The following LETM1 variants were observed in gnomAD, a reference collection of about 807,000 sequenced individuals.
LETM1 encodes the protein leucine zipper and EF-hand containing transmembrane protein 1, also known as mitochondrial proton/calcium exchanger protein.
A neutral mutation model predicts 74.5 loss-of-function variants in LETM1; 50 were observed. The observed-to-expected ratio is 0.67, with a 90% CI of 0.53 to 0.85. The LOEUF is 0.85. Ranked by LOEUF, LETM1 falls within the 40% of genes least tolerant of loss-of-function variation. The probability of loss-of-function intolerance (pLI) is 0.00; values close to 1 mark genes in which losing one functional copy is unlikely to be tolerated. For missense variants in LETM1, 824 were observed against 967.8 expected (o/e 0.85, Z 1.97); for synonymous variants, 446 against 407.1 (o/e 1.10, Z -1.15).
chr4:1,823,423 C>G (rs1359802802), intron 8 of LETM1, among the ~76,000 whole-genome samples: 1 of 152,006 alleles, frequency 6.6e-6, no homozygotes, highest in African/African-American at 2.4e-5. Flanking sequence ...AGGTCGGGAC[C>G]ACTGGCAACT....
chr4:1,831,149 T>C (rs1476867160), intron 6 of LETM1, among the ~76,000 whole-genome samples: 1 of 152,078 alleles, frequency 6.6e-6, no homozygotes, highest in Non-Finnish European at 1.5e-5. Flanking sequence ...GGTGTGGAGG[T>C]TTTGTGGGGC....
intron 2 of LETM1, among the ~76,000 whole-genome samples, chr4:1,848,909 T>TC: frequency 6.6e-6 from 1 of 152,126 alleles, no homozygotes; most frequent in African/African-American, 2.4e-5. Flanking sequence ...AAGCCTTCTG[T>TC]CCCCAGCTCT....
intron 6 of LETM1, among the ~76,000 whole-genome samples, chr4:1,826,473 C>T (rs1457631354): frequency 6.6e-6 from 1 of 152,232 alleles, no homozygotes; most frequent in Non-Finnish European, 1.5e-5. Context: ...CACATGCCAC[C>T]CACCCAGTCA....
Position 1,815,663 on chromosome 4 carries a change from C to T in LETM1, c.2070+1G>A. 1 of 1,614,100 alleles carries T rather than the reference C, an allele frequency of 6.2e-7. No individual in the cohort carries two copies. On this transcript the variant is annotated splice_donor_variant, in intron 13 of 13. Coordinates refer to ENST00000302787, the MANE Select transcript of LETM1 (RefSeq NM_012318.3). LOFTEE classifies it high-confidence loss of function. The stretch of plus-strand genomic sequence containing the variant: ...CCTGCGTGGTCCCCAGCGAGGCCCA[C>T]CTTGACGAGGTCGTCGATGTTGACC...
chr4:1,846,932 A>G lies in LETM1; in HGVS notation c.143+2217T>C, dbSNP rs1164181084. Among the ~76,000 whole-genome samples, 3 of 152,256 alleles carry G rather than the reference A, an allele frequency of 2.0e-5. No homozygotes were observed. In the East Asian group the frequency reaches 5.8e-4, roughly 29 times the overall value. On this transcript the variant is annotated intron_variant, in intron 2 of 13. Transcript: ENST00000302787. ...CAGATACAAGAAAATTGTACAACTT[A>G]GCAACTTACGGGACAGCAATGATCA...
chr4:1,828,350 G>A (rs1712094672), intron 6 of LETM1, among the ~76,000 whole-genome samples: 1 of 120,658 alleles, frequency 8.3e-6, no homozygotes, highest in East Asian at 2.7e-4. Flanking sequence ...CCTCCCTCCC[G>A]GACGGGGCGG....
At chr4:1,838,713 A>T (rs1034346456) in intron 3 of LETM1, among the ~76,000 whole-genome samples, 5 of 152,166 alleles carry the variant, frequency 3.3e-5, no homozygotes, top group Admixed American at 1.3e-4. Flanking sequence ...GTAGAGCCAC[A>T]AAAACGTAAT....
intron 13 of LETM1, 70 bp downstream of exon 13, chr4:1,815,594 A>G: frequency 1.3e-6 from 2 of 1,570,982 alleles, no homozygotes; most frequent in South Asian, 2.3e-5. Context: ...CATGCAATGA[A>G]CAGTCCCCCT....
intron 11 of LETM1, among the ~76,000 whole-genome samples, chr4:1,817,641 G>A (rs1441402920): frequency 6.6e-6 from 1 of 152,194 alleles, no homozygotes; most frequent in African/African-American, 2.4e-5. Flanking sequence ...TTATAAAATT[G>A]TATTTCTATC....
At chr4:1,839,834 C>T (rs1250087095) in intron 3 of LETM1, among the ~76,000 whole-genome samples, 2 of 152,238 alleles carry the variant, frequency 1.3e-5, no homozygotes, top group African/African-American at 4.8e-5. Flanking sequence ...AGAGGTTCAC[C>T]GGGGGTTGCA....
chr4:1,834,576 C>T lies in LETM1; in HGVS notation c.876+269G>A, dbSNP rs1712397468. The T allele has an allele frequency of 1.4e-5, 17 of 1,251,662 alleles. No homozygotes were observed. Among genetic ancestry groups the T allele is most frequent in the East Asian group, 4.1e-5 (1 of 24,604 alleles). 77.5% of individuals were successfully genotyped at this position (1,251,662 alleles called of 1,614,324 possible). ...CAGGCTCCTCATGGGTCAGATTCTACTGCTCCTGGACAGCTGCAGGGTGAT... is the reference window on the plus strand; with the variant it reads ...CAGGCTCCTCATGGGTCAGATTCTATTGCTCCTGGACAGCTGCAGGGTGAT... On this transcript the variant is annotated intron_variant, in intron 5 of 13. Transcript: ENST00000302787. This position sits in a 1 kb window ranked among gnomAD's most constrained non-coding sequence, Gnocchi z 5.0.
intron 1 of LETM1, among the ~76,000 whole-genome samples, chr4:1,851,963 C>T (rs1049202498): frequency 6.6e-5 from 10 of 152,230 alleles, no homozygotes; most frequent in Admixed American, 5.2e-4. Flanking sequence ...CAAGGCCGTT[C>T]GGGGTGATGG....
chr4:1,847,732 G>C (rs942440747), intron 2 of LETM1, among the ~76,000 whole-genome samples: 1 of 149,226 alleles, frequency 6.7e-6, no homozygotes, highest in East Asian at 2.0e-4. Flanking sequence ...GCTGAGGCAG[G>C]AGAATCGCTT....
intron 1 of LETM1, among the ~76,000 whole-genome samples, chr4:1,852,931 G>T (rs1318588702): frequency 6.6e-6 from 1 of 152,168 alleles, no homozygotes; most frequent in South Asian, 2.1e-4. Flanking sequence ...GCCAGGATCA[G>T]GTCAAAGAAC....
intron 1 of LETM1, among the ~76,000 whole-genome samples, chr4:1,854,815 CA>C: frequency 6.7e-6 from 1 of 149,600 alleles, no homozygotes; most frequent in East Asian, 2.0e-4. Context: ...AACAAACAAA[CA>C]AAAAAAAACA....
intron 2 of LETM1, among the ~76,000 whole-genome samples, chr4:1,843,618 T>C (rs1264647105): frequency 6.6e-6 from 1 of 151,924 alleles, no homozygotes; most frequent in Non-Finnish European, 1.5e-5. Context: ...ATACGGGAAA[T>C]AGACACGTGG....
Position 1,815,713 on chromosome 4 carries a change from G to A in LETM1, c.2021C>T (p.Ala674Val). The A allele has an allele frequency of 1.2e-6, 2 of 1,614,232 alleles. No homozygotes were observed. The highest frequency in any genetic ancestry group is 1.7e-6 in the Non-Finnish European group (2 of 1,180,030). The change falls in exon 13 of 14, where the codon GCA (alanine) becomes GTA (valine). Residue 674 changes from alanine (A) to valine (V), a missense_variant. This residue lies in a region of LETM1 where 161 missense variants were observed against 252.7 expected (regional missense o/e 0.64). Coordinates refer to ENST00000302787, the MANE Select transcript of LETM1 (RefSeq NM_012318.3). ...PESKLTSLAA[A>V]LDENKDGKVN... ...CTTGCCATCCTTGTTTTCATCCAGT[G>A]CTGCGGCCAGGCTGGTGAGCTTGCT... is the stretch of plus-strand genomic sequence containing the variant.
At chr4:1,829,514 T>C (rs1021357091) in intron 6 of LETM1, among the ~76,000 whole-genome samples, 1 of 152,264 alleles carries the variant, frequency 6.6e-6, no homozygotes, top group Non-Finnish European at 1.5e-5. Flanking sequence ...TTTCCCCTAA[T>C]GGTAAAGATG....
At chr4:1,833,331 C>T (rs1353224711) in intron 5 of LETM1, 3 of 270,882 alleles carry the variant, frequency 1.1e-5, no homozygotes, top group Non-Finnish European at 2.2e-5. Context: ...TGGCCTCAAA[C>T]CACTGACTTC....
Sources: allele counts gnomAD v4.1 joint callset (sites outside exome capture counted in the v4.1 genomes callset), GRCh38; gene constraint gnomAD v4.1.1; regional missense constraint gnomAD v4.1.1; non-coding constraint Gnocchi (gnomAD v3.1); transcripts MANE v1.5; gene names NCBI Gene and HGNC (gene_info 2026-07-23, HGNC 2026-07-21).